Variants in PRKG1 observed in about 807,000 individuals in gnomAD.
The protein encoded by PRKG1 is protein kinase cGMP-dependent 1.
A neutral mutation model predicts 88.1 loss-of-function variants in PRKG1; 35 were observed. The ratio of observed to expected loss-of-function variants is 0.40; its 90% CI spans 0.30 to 0.53. The LOEUF is 0.53. Ranked by LOEUF, PRKG1 falls within the 20% of genes least tolerant of loss-of-function variation. The pLI, the probability that PRKG1 is intolerant of heterozygous loss-of-function variation, is 0.59. For synonymous variants in PRKG1, 303 were observed against 292.5 expected, an observed-to-expected ratio of 1.04 and a Z score of -0.37; for missense variants, 540 against 839.8, an observed-to-expected ratio of 0.64 and a Z score of 4.41.
intron 3 of PRKG1, among the ~76,000 whole-genome samples, chr10:51,571,356 CTCA>C (rs747220754): frequency 7.9e-5 from 12 of 151,788 alleles, no homozygotes; most frequent in Non-Finnish European, 1.8e-4. Context: ...TTATGATTTT[CTCA>C]TCAATAAAAT....
intron 2 of PRKG1, among the ~76,000 whole-genome samples, chr10:51,274,305 T>A (rs1840058549): frequency 6.6e-6 from 1 of 152,178 alleles, no homozygotes; most frequent in Non-Finnish European, 1.5e-5. Context: ...TCCTGTAGAC[T>A]TCTGAGAACT....
chr10:51,703,684 C>A (rs1841530377), intron 3 of PRKG1, among the ~76,000 whole-genome samples: 1 of 152,092 alleles, frequency 6.6e-6, no homozygotes, highest in Non-Finnish European at 1.5e-5. Flanking sequence ...TAAATGTGGT[C>A]CTTGGTTCAG....
chr10:51,799,246 T>C (rs1358425765), intron 3 of PRKG1, among the ~76,000 whole-genome samples: 1 of 152,062 alleles, frequency 6.6e-6, no homozygotes, highest in Non-Finnish European at 1.5e-5. Context: ...AACCCTTCCG[T>C]GCCCCCCTCT....
chr10:51,568,683 T>C (rs1207585340), intron 3 of PRKG1: 1 of 152,082 alleles, frequency 6.6e-6, no homozygotes, highest in Admixed American at 6.6e-5. Context: ...AGTGTTCCTC[T>C]ACCCAATGTA....
intron 9 of PRKG1, among the ~76,000 whole-genome samples, chr10:52,193,600 C>A (rs1174011894): frequency 6.9e-6 from 1 of 145,546 alleles, no homozygotes; most frequent in African/African-American, 2.6e-5. Flanking sequence ...TTCCAAATGT[C>A]ATTTAACACT....
At chr10:51,370,044 T>C (rs1037630549) in intron 2 of PRKG1, among the ~76,000 whole-genome samples, 2 of 152,114 alleles carry the variant, frequency 1.3e-5, no homozygotes, top group Non-Finnish European at 2.9e-5. Context: ...GCCATTTTGA[T>C]GATGAGATGA....
intron 5 of PRKG1, among the ~76,000 whole-genome samples, chr10:51,933,623 T>C (rs1370478734): frequency 6.6e-6 from 1 of 151,848 alleles, no homozygotes; most frequent in East Asian, 1.9e-4. Flanking sequence ...TAGCCAAGTT[T>C]TTTTTTTTTA....
intron 3 of PRKG1, among the ~76,000 whole-genome samples, chr10:51,776,028 A>C (rs535842797): frequency 6.6e-6 from 1 of 152,304 alleles, no homozygotes; most frequent in East Asian, 1.9e-4. Flanking sequence ...TCAGCAAGTT[A>C]GTCAACCTTT....
intron 1 of PRKG1, among the ~76,000 whole-genome samples, chr10:51,008,972 T>C (rs1230047963): frequency 1.3e-5 from 2 of 152,170 alleles, no homozygotes; most frequent in Non-Finnish European, 2.9e-5. Context: ...AAAGTATTAG[T>C]CTCTGGTGGC....
chr10:51,159,952 G>T (rs1192381369), intron 2 of PRKG1, among the ~76,000 whole-genome samples: 1 of 105,646 alleles, frequency 9.5e-6, no homozygotes, highest in Non-Finnish European at 1.8e-5. Context: ...GAAATGGGCA[G>T]CCTGATGGTG....
At chr10:51,591,106 G>A (rs747742939) in intron 3 of PRKG1, among the ~76,000 whole-genome samples, 40 of 152,058 alleles carry the variant, frequency 2.6e-4, no homozygotes, top group Admixed American at 1.2e-3. Context: ...GCCTGAACTC[G>A]GATTGAAGAA....
chr10:52,263,757 TAG>T (rs1199160896), intron 10 of PRKG1, among the ~76,000 whole-genome samples: 1 of 151,716 alleles, frequency 6.6e-6, no homozygotes, highest in Non-Finnish European at 1.5e-5. Flanking sequence ...GTATTTTTTG[TAG>T]AGACATGGCC....
At chr10:51,484,696 A>G (rs772081373) in intron 3 of PRKG1, among the ~76,000 whole-genome samples, 5 of 152,192 alleles carry the variant, frequency 3.3e-5, no homozygotes, top group African/African-American at 4.8e-5. Context: ...GACTTCCTCT[A>G]CTAGTTAACC....
intron 2 of PRKG1, among the ~76,000 whole-genome samples, chr10:51,424,430 A>T (rs1174753420): frequency 6.6e-6 from 1 of 152,064 alleles, no homozygotes; most frequent in South Asian, 2.1e-4. Flanking sequence ...GATTTTTTTT[A>T]AAAAAGGAAA....
chr10:52,207,570 C>T (rs1839854147), intron 9 of PRKG1, among the ~76,000 whole-genome samples: 1 of 152,182 alleles, frequency 6.6e-6, no homozygotes, highest in Non-Finnish European at 1.5e-5. Context: ...TGCTCCACAG[C>T]AGCCATTCCT....
chr10:51,278,044 G>A, intron 2 of PRKG1, among the ~76,000 whole-genome samples: 1 of 152,140 alleles, frequency 6.6e-6, no homozygotes, highest in South Asian at 2.1e-4. Flanking sequence ...TTTTCAAAGG[G>A]AATGCTTCCA....
At chr10:51,308,310 G>T (rs1051104334) in intron 2 of PRKG1, among the ~76,000 whole-genome samples, 2 of 152,058 alleles carry the variant, frequency 1.3e-5, no homozygotes, top group Non-Finnish European at 2.9e-5. Context: ...GTCTCTGCCT[G>T]TTTCACTATT....
intron 3 of PRKG1, among the ~76,000 whole-genome samples, chr10:51,629,652 G>A (rs1233622860): frequency 1.3e-5 from 2 of 152,102 alleles, no homozygotes; most frequent in African/African-American, 4.8e-5. Context: ...ACATACGGAG[G>A]TTTGAAGTTG....
intron 3 of PRKG1, among the ~76,000 whole-genome samples, chr10:51,645,870 A>G (rs1317152493): frequency 6.6e-6 from 1 of 152,190 alleles, no homozygotes; most frequent in East Asian, 1.9e-4. Flanking sequence ...GATATCCACA[A>G]CTAAGAAGAT....
Sources: gnomAD v4.1 joint callset for allele counts (sites outside exome capture counted in the v4.1 genomes callset) on GRCh38, gnomAD v4.1.1 for gene constraint, MANE v1.5 for transcripts, NCBI Gene and HGNC (gene_info 2026-07-23, HGNC 2026-07-21) for gene names.